The following CCDC175 variants were observed in gnomAD, a reference collection of about 807,000 sequenced individuals.
The protein encoded by CCDC175 is coiled-coil domain-containing protein 175.
A neutral mutation model predicts 114.6 loss-of-function variants in CCDC175; 100 were observed. That is an observed-to-expected ratio of 0.87 (90% CI 0.74 to 1.03). The LOEUF is 1.03. Among genes scored for constraint, CCDC175 ranks in the 50% least tolerant of loss-of-function variants. CCDC175 has a pLI of 0.00. For missense variants in CCDC175, 880 were observed against 917.8 expected (o/e 0.96, Z 0.53); for synonymous variants, 306 against 308.7 (o/e 0.99, Z 0.09).
chr14:59,524,481 CATAGA>C (rs1893622492), intron 16 of CCDC175, among the ~76,000 whole-genome samples: 1 of 152,136 alleles, frequency 6.6e-6, no homozygotes, highest in South Asian at 2.1e-4. Context: ...AGGCCAGCAA[CATAGA>C]ATAGGTGCTT....
At chr14:59,506,406 G>A (rs1351407726) in intron 19 of CCDC175, among the ~76,000 whole-genome samples, 1 of 151,232 alleles carries the variant, frequency 6.6e-6, no homozygotes, top group Non-Finnish European at 1.5e-5. Flanking sequence ...TCATGCCTCA[G>A]CCTCCCAAGC....
chr14:59,570,741 T>TTTTGTTTG (rs143746866), intron 3 of CCDC175, among the ~76,000 whole-genome samples: 137,727 of 151,446 alleles, frequency 0.91, 62,812 homozygotes, highest in East Asian at 1. Flanking sequence ...TCTCTTTTGT[T>TTTTGTTTG]TTTGTTTGTT....
chr14:59,533,594 G>T (rs1235938595), intron 13 of CCDC175, among the ~76,000 whole-genome samples: 2 of 152,130 alleles, frequency 1.3e-5, no homozygotes, highest in Admixed American at 6.5e-5. Flanking sequence ...TAAATACAAA[G>T]AAGCTAAAAT....
intron 5 of CCDC175, 56 bp from the exon 6 acceptor site, chr14:59,563,915 T>A: frequency 8.4e-7 from 1 of 1,183,784 alleles, no homozygotes; most frequent in Non-Finnish European, 1.1e-6. Context: ...CAACAAAGTT[T>A]AAAAAATCTT....
intron 17 of CCDC175, among the ~76,000 whole-genome samples, chr14:59,514,416 G>A (rs61639281): frequency 0.012 from 1,805 of 152,012 alleles, 28 homozygotes; most frequent in African/African-American, 0.042. Context: ...TAAAAACCTT[G>A]AAAAAAAATT....
intron 7 of CCDC175, among the ~76,000 whole-genome samples, chr14:59,558,386 T>C (rs943379158): frequency 3.3e-5 from 5 of 152,306 alleles, no homozygotes; most frequent in African/African-American, 1.2e-4. Context: ...TGTAGAAGGC[T>C]CTGGTGGTGA....
chr14:59,542,344 T>TAA (rs1457603378), intron 10 of CCDC175, among the ~76,000 whole-genome samples: 1 of 152,230 alleles, frequency 6.6e-6, no homozygotes, highest in African/African-American at 2.4e-5. Context: ...AACTGAACTA[T>TAA]AAGCTCCTTA....
At chr14:59,537,660 A>G (rs1176163684) in intron 13 of CCDC175, among the ~76,000 whole-genome samples, 2 of 152,124 alleles carry the variant, frequency 1.3e-5, no homozygotes, top group Non-Finnish European at 2.9e-5. Flanking sequence ...AGTTCTCAAG[A>G]CAGCATGATA....
intron 14 of CCDC175, among the ~76,000 whole-genome samples, chr14:59,528,551 T>TCCCCCA (rs1248553094): frequency 6.6e-6 from 1 of 151,994 alleles, no homozygotes; most frequent in African/African-American, 2.4e-5. Context: ...CATTCCCACA[T>TCCCCCA]CCCCCACCCA....
At chr14:59,573,618 G>GT (rs71111652) in intron 2 of CCDC175, among the ~76,000 whole-genome samples, 5 of 108,940 alleles carry the variant, frequency 4.6e-5, no homozygotes, top group African/African-American at 1.6e-4. Flanking sequence ...TTGTTTTTTT[G>GT]TTTTTTTTTT....
chr14:59,515,956 TAACA>T (rs1436412053), intron 17 of CCDC175, among the ~76,000 whole-genome samples: 1 of 152,166 alleles, frequency 6.6e-6, no homozygotes, highest in African/African-American at 2.4e-5. Flanking sequence ...ACAGAAATTA[TAACA>T]AACTGTCTCT....
chr14:59,508,565 CAAAAAAAA>C (rs565175219), intron 19 of CCDC175, among the ~76,000 whole-genome samples: 1 of 74,578 alleles, frequency 1.3e-5, no homozygotes, highest in Non-Finnish European at 2.4e-5. Flanking sequence ...GGCCCTGTCT[CAAAAAAAA>C]AAAAAAAAAA....
intron 16 of CCDC175, among the ~76,000 whole-genome samples, chr14:59,522,560 CAA>C (rs1204458518): frequency 7.2e-5 from 11 of 152,154 alleles, no homozygotes; most frequent in Admixed American, 6.6e-5. Flanking sequence ...GTGCTTCTCC[CAA>C]ACTCTCTATT....
At chr14:59,549,863 GTATGTA>G (rs1895358057) in intron 8 of CCDC175, among the ~76,000 whole-genome samples, 1 of 152,110 alleles carries the variant, frequency 6.6e-6, no homozygotes, top group African/African-American at 2.4e-5. Flanking sequence ...TGTCTAGTGT[GTATGTA>G]TATTTGTGTG....
intron 3 of CCDC175, among the ~76,000 whole-genome samples, chr14:59,571,305 C>G (rs1896837590): frequency 6.6e-6 from 1 of 152,156 alleles, no homozygotes; most frequent in African/African-American, 2.4e-5. Flanking sequence ...TCAAATGTCA[C>G]TATCAACAGA....
chr14:59,568,158 A>G (rs1896659324), intron 4 of CCDC175, 87 bp downstream of exon 4: 1 of 1,314,612 alleles, frequency 7.6e-7, no homozygotes, highest in Non-Finnish European at 1.0e-6. Flanking sequence ...GCCACAGTTC[A>G]GATCAGAGAG....
At chr14:59,509,181 T>C (rs1021418300) in intron 19 of CCDC175, among the ~76,000 whole-genome samples, 15 of 152,190 alleles carry the variant, frequency 9.9e-5, no homozygotes, top group African/African-American at 3.4e-4. Context: ...AACAGAAGAT[T>C]AATTCATGTG....
chr14:59,568,491 TA>T, intron 3 of CCDC175, 111 bp from the exon 4 acceptor site: 1 of 861,954 alleles, frequency 1.2e-6, no homozygotes, highest in Non-Finnish European at 1.7e-6. Flanking sequence ...TAATGTTTTT[TA>T]TCAAGCATTT....
chr14:59,555,511 C>G (rs1467953741), intron 7 of CCDC175, among the ~76,000 whole-genome samples: 1 of 152,166 alleles, frequency 6.6e-6, no homozygotes, highest in Non-Finnish European at 1.5e-5. Context: ...CAATATCATA[C>G]TGAATGGGCA....
Sources: allele counts gnomAD v4.1 joint callset (sites outside exome capture counted in the v4.1 genomes callset), GRCh38; gene constraint gnomAD v4.1.1; transcripts MANE v1.5; gene names NCBI Gene and HGNC (gene_info 2026-07-23, HGNC 2026-07-21).